Variants in PDZD2 observed in about 807,000 individuals in gnomAD.
PDZD2 encodes PDZ domain-containing protein 2.
PDZD2 carries 90 observed loss-of-function variants against 220.7 expected under a neutral mutation model. That is an observed-to-expected ratio of 0.41 (90% CI 0.34 to 0.49). The LOEUF is 0.49. PDZD2 is among the 20% of genes least tolerant of loss of function. The probability of loss-of-function intolerance (pLI) is 0.28; values close to 1 mark genes in which losing one functional copy is unlikely to be tolerated. For missense variants in PDZD2, 3,174 were observed against 3,608.5 expected, an observed-to-expected ratio of 0.88 and a Z score of 3.08; for synonymous variants, 1,375 against 1,450.5, an observed-to-expected ratio of 0.95 and a Z score of 1.18.
Position 31,639,231 on chromosome 5 carries a change from G to A in PDZD2, c.-567G>A, listed in dbSNP as rs1345144375. 4.0e-5 allele frequency among the ~76,000 whole-genome samples: 6 copies of A among 151,476 alleles called. No homozygotes were observed. The highest frequency in any genetic ancestry group is 2.0e-4 in the Admixed American group (3 of 15,204). ...GGACGCGGCGGGGCGGCGGCTGCAG[G>A]CAGCCGAGGAGCCGCAGGCCGAACC... On this transcript the variant is annotated 5_prime_UTR_variant, in exon 1 of 25. Transcript: ENST00000438447. This position sits in a 1 kb window ranked among gnomAD's most constrained non-coding sequence, Gnocchi z 4.1.
chr5:31,940,344 T>C (rs1746108874), intron 2 of PDZD2, among the ~76,000 whole-genome samples: 1 of 152,198 alleles, frequency 6.6e-6, no homozygotes, highest in Non-Finnish European at 1.5e-5. Context: ...GGTGCCTCAC[T>C]GGATAGCCAC....
intron 2 of PDZD2, among the ~76,000 whole-genome samples, chr5:31,828,983 C>A (rs1385016184): frequency 6.6e-6 from 1 of 152,174 alleles, no homozygotes; most frequent in Non-Finnish European, 1.5e-5. Flanking sequence ...GCTACTTTTG[C>A]AGCATCAGCT....
intron 2 of PDZD2, among the ~76,000 whole-genome samples, chr5:31,866,831 A>G (rs16901642): frequency 0.15 from 22,373 of 152,246 alleles, 1,754 homozygotes; most frequent in East Asian, 0.22. Flanking sequence ...ACTGAGTGCC[A>G]GTTACAGGCA....
At chr5:31,854,724 T>C (rs888011015) in intron 2 of PDZD2, among the ~76,000 whole-genome samples, 1 of 151,894 alleles carries the variant, frequency 6.6e-6, no homozygotes, top group Non-Finnish European at 1.5e-5. Context: ...AACAAAGGTG[T>C]CTGGATGAGA....
chr5:31,787,907 T>G (rs767118011), intron 1 of PDZD2, among the ~76,000 whole-genome samples: 1 of 152,240 alleles, frequency 6.6e-6, no homozygotes, highest in Non-Finnish European at 1.5e-5. Context: ...TTTTATGGTC[T>G]CTTTCTCCAG....
Position 31,983,299 on chromosome 5 carries a change from C to T in PDZD2, c.621C>T (p.Asp207=), listed in dbSNP as rs201990765. ...AAACACCTACCTTGGAGCTGGGTGA[C>T]CGAACTGCGAAAAAGGGGAAACGAA... ...PGETPTLELG[D]RTAKKGKRTR... is the part of the protein sequence containing the mutation. Residue 207 remains aspartate (D), a synonymous_variant, in exon 3 of 25, where the codon GAC becomes GAT. Coordinates refer to ENST00000438447, the MANE Select transcript of PDZD2 (RefSeq NM_178140.4). 2 of 1,614,054 alleles carry T rather than the reference C, an allele frequency of 1.2e-6. No individual in the cohort carries two copies. The highest frequency in any genetic ancestry group is 2.7e-5 in the African/African-American group (2 of 74,902).
At chr5:31,800,834 A>T (rs1338665698) in intron 2 of PDZD2, among the ~76,000 whole-genome samples, 2 of 152,198 alleles carry the variant, frequency 1.3e-5, no homozygotes, top group Non-Finnish European at 2.9e-5. Flanking sequence ...TATGTCCTAG[A>T]AGGAGAGAAT....
chr5:31,784,874 T>C (rs926546241), intron 1 of PDZD2, among the ~76,000 whole-genome samples: 1 of 151,840 alleles, frequency 6.6e-6, no homozygotes, highest in African/African-American at 2.4e-5. Context: ...ACCACTGCAC[T>C]CCAGCTTGGG....
At chr5:31,980,886 C>T (rs1269089315) in intron 2 of PDZD2, among the ~76,000 whole-genome samples, 1 of 152,106 alleles carries the variant, frequency 6.6e-6, no homozygotes, top group Non-Finnish European at 1.5e-5. Flanking sequence ...CGGGTTCAAG[C>T]GATTCTCGTG....
chr5:31,712,486 C>A (rs1310783081), intron 1 of PDZD2, among the ~76,000 whole-genome samples: 6 of 150,856 alleles, frequency 4.0e-5, no homozygotes, highest in Non-Finnish European at 7.4e-5. Flanking sequence ...CTCTCTCCCC[C>A]TCTCTCCCTC....
intron 1 of PDZD2, chr5:31,787,741 GGTTC>G (rs1753460968): frequency 1.3e-5 from 2 of 151,866 alleles, no homozygotes. Flanking sequence ...GTTCCTTCTA[GGTTC>G]TTACCTTCTA....
At chr5:32,014,087 G>A (rs1440982535) in intron 6 of PDZD2, among the ~76,000 whole-genome samples, 1 of 152,206 alleles carries the variant, frequency 6.6e-6, no homozygotes, top group Non-Finnish European at 1.5e-5. Flanking sequence ...CACAATCTAT[G>A]ATTCTTTGTT....
At chr5:31,794,489 C>T (rs1316446528) in intron 1 of PDZD2, among the ~76,000 whole-genome samples, 1 of 149,834 alleles carries the variant, frequency 6.7e-6, no homozygotes, top group African/African-American at 2.5e-5. Flanking sequence ...CAAGCTCCGC[C>T]TCCCGGGTTC....
In PDZD2 at chr5:32,110,898, T is replaced by A. The variant is rs1260125184; in HGVS notation, c.*2763T>A. Reference sequence around the variant, plus strand: ...TCTGTAAACAACCTTTTTTAAGTAATTTTAAAAAAAATAAACACTCTGCTT... The same window carrying A: ...TCTGTAAACAACCTTTTTTAAGTAAATTTAAAAAAAATAAACACTCTGCTT... On this transcript the variant is annotated 3_prime_UTR_variant, in exon 25 of 25. Transcript: ENST00000438447. The A allele has an allele frequency of 2.6e-5, 4 of 152,234 alleles. No individual in the cohort carries two copies. The highest frequency in any genetic ancestry group is 9.7e-5 in the African/African-American group (4 of 41,442). The allele number at this position is 152,234 out of a possible 1,614,324, so 9.4% of individuals were successfully genotyped here. A position where few individuals can be genotyped will look rare whatever the true frequency, so the allele number is the denominator to read the frequency against.
At chr5:31,822,856 GA>G (rs1755967530) in intron 2 of PDZD2, 2 of 779,050 alleles carry the variant, frequency 2.6e-6, no homozygotes, top group Middle Eastern at 2.5e-4. Context: ...CACATACACA[GA>G]CCTCATCTTG....
At chr5:31,769,096 A>C (rs1312663912) in intron 1 of PDZD2, among the ~76,000 whole-genome samples, 1 of 152,246 alleles carries the variant, frequency 6.6e-6, no homozygotes, top group Non-Finnish European at 1.5e-5. Flanking sequence ...CTGGAGATCC[A>C]CATCCCTGCA....
intron 2 of PDZD2, among the ~76,000 whole-genome samples, chr5:31,800,700 A>G (rs566640021): frequency 6.6e-6 from 1 of 152,264 alleles, no homozygotes; most frequent in East Asian, 1.9e-4. Context: ...TTAACCCTTC[A>G]CTACACATCA....
At chr5:31,737,464 G>T (rs186468506) in intron 1 of PDZD2, among the ~76,000 whole-genome samples, 65 of 152,134 alleles carry the variant, frequency 4.3e-4, no homozygotes, top group Non-Finnish European at 6.9e-4. Flanking sequence ...GAGCTACCGC[G>T]CCCGGCCAGA....
intron 1 of PDZD2, among the ~76,000 whole-genome samples, chr5:31,751,253 A>T (rs1750950743): frequency 6.7e-6 from 1 of 149,678 alleles, no homozygotes. Flanking sequence ...AAAAAAAAAA[A>T]AAAAGAGAGT....
Sources: gnomAD v4.1 joint callset for allele counts (sites outside exome capture counted in the v4.1 genomes callset) on GRCh38, gnomAD v4.1.1 for gene constraint, Gnocchi (gnomAD v3.1) non-coding constraint, MANE v1.5 for transcripts, NCBI Gene and HGNC (gene_info 2026-07-23, HGNC 2026-07-21) for gene names.